Variants in WDFY2 observed in about 807,000 individuals in gnomAD.
The protein encoded by WDFY2 is WD repeat and FYVE domain containing 2, also known as WD repeat and FYVE domain-containing protein 2.
WDFY2 carries 36 observed loss-of-function variants against 56.4 expected under a neutral mutation model. That is an observed-to-expected ratio of 0.64 (90% CI 0.49 to 0.84). The LOEUF (loss-of-function observed/expected upper bound fraction) is 0.84. Ranked by LOEUF, WDFY2 falls within the 40% of genes least tolerant of loss-of-function variation. The pLI is 0.00. For synonymous variants in WDFY2, 176 were observed against 183.7 expected (o/e 0.96, Z 0.34); for missense variants, 444 against 512.2 (o/e 0.87, Z 1.29).
rs1953761888 is a variant in WDFY2, at chr13:51,766,724, C to A, written c.*6955C>A. 1.3e-5 allele frequency: 2 copies of A among 152,408 alleles called. No individual in the cohort carries two copies. Among genetic ancestry groups the A allele is most frequent in the East Asian group, 3.9e-4 (2 of 5,192 alleles). 9.4% of individuals were successfully genotyped at this position (152,408 alleles called of 1,614,324 possible). A position where few individuals can be genotyped will look rare whatever the true frequency, so the allele number is the denominator to read the frequency against. The stretch of plus-strand genomic sequence containing the variant: ...TCCTCTAACCAAAATATACGTGTAG[C>A]CATTACCAATGTACAACTCTCAATG... On this transcript the variant is annotated 3_prime_UTR_variant, in exon 12 of 12. Transcript: ENST00000298125.
chr13:51,649,249 A>G (rs1339370510), intron 1 of WDFY2, among the ~76,000 whole-genome samples: 2 of 152,100 alleles, frequency 1.3e-5, no homozygotes, highest in Non-Finnish European at 2.9e-5. Flanking sequence ...GTCTTCTCCC[A>G]GTGTTGGTTT....
chr13:51,645,762 TTG>T (rs1454521339), intron 1 of WDFY2, among the ~76,000 whole-genome samples: 1 of 152,200 alleles, frequency 6.6e-6, no homozygotes, highest in Non-Finnish European at 1.5e-5. Context: ...CCCTTAACTC[TTG>T]GTGTTTGTCT....
At chr13:51,653,318 C>G (rs2138434654) in intron 1 of WDFY2, among the ~76,000 whole-genome samples, 1 of 152,224 alleles carries the variant, frequency 6.6e-6, no homozygotes, top group African/African-American at 2.4e-5. Flanking sequence ...AATCTTTTTT[C>G]AAGGTTTTTA....
chr13:51,710,235 T>C (rs928634115), intron 4 of WDFY2, among the ~76,000 whole-genome samples: 4 of 152,094 alleles, frequency 2.6e-5, no homozygotes, highest in African/African-American at 9.7e-5. Flanking sequence ...CAAAATTCAG[T>C]AGCCCTTCAT....
chr13:51,654,574 A>C (rs1029269681), intron 1 of WDFY2, among the ~76,000 whole-genome samples: 1 of 152,046 alleles, frequency 6.6e-6, no homozygotes, highest in African/African-American at 2.4e-5. Flanking sequence ...CCAATACCCT[A>C]ACCTCTGCGG....
chr13:51,596,476 G>T (rs1954150735), intron 1 of WDFY2, among the ~76,000 whole-genome samples: 3 of 152,170 alleles, frequency 2.0e-5, no homozygotes, highest in Non-Finnish European at 4.4e-5. Context: ...AGAAAGTAAA[G>T]TTCACCGAAT....
At chr13:51,615,251 T>TA (rs1954588652) in intron 1 of WDFY2, among the ~76,000 whole-genome samples, 1 of 151,874 alleles carries the variant, frequency 6.6e-6, no homozygotes, top group Non-Finnish European at 1.5e-5. Flanking sequence ...AAGCTAACCC[T>TA]ATTAAAAAAT....
At chr13:51,702,267 G>A (rs1050495654) in intron 3 of WDFY2, among the ~76,000 whole-genome samples, 5 of 151,084 alleles carry the variant, frequency 3.3e-5, no homozygotes, top group African/African-American at 2.4e-5. Flanking sequence ...AGCCAGGATC[G>A]CGCCACTGCA....
chr13:51,647,277 C>T (rs1216061070), intron 1 of WDFY2, among the ~76,000 whole-genome samples: 1 of 152,180 alleles, frequency 6.6e-6, no homozygotes, highest in African/African-American at 2.4e-5. Flanking sequence ...ATAGAATGTA[C>T]TCACACAAAA....
intron 5 of WDFY2, among the ~76,000 whole-genome samples, chr13:51,720,942 TTCTCTC>T (rs71749521): frequency 0.025 from 3,718 of 147,876 alleles, 131 homozygotes; most frequent in African/African-American, 0.081. Context: ...TCATTCTGTC[TTCTCTC>T]TCTCTCTCTC....
chr13:51,758,425 T>G, intron 11 of WDFY2, 125 bp downstream of exon 11: 1 of 556,114 alleles, frequency 1.8e-6, no homozygotes, highest in Non-Finnish European at 3.1e-6. Flanking sequence ...GTGGCATGTG[T>G]CTGTAGTCCC....
intron 1 of WDFY2, among the ~76,000 whole-genome samples, chr13:51,608,239 T>C (rs1954420771): frequency 6.6e-6 from 1 of 152,258 alleles, no homozygotes; most frequent in African/African-American, 2.4e-5. Flanking sequence ...TAATTTTTAT[T>C]ACTTTAAAAG....
At chr13:51,722,790 C>G (rs1340586898) in intron 5 of WDFY2, among the ~76,000 whole-genome samples, 1 of 152,142 alleles carries the variant, frequency 6.6e-6, no homozygotes, top group Non-Finnish European at 1.5e-5. Flanking sequence ...TCCCAAAGAC[C>G]CCATGGCAGG....
chr13:51,711,929 T>C (rs1275504482), intron 4 of WDFY2, among the ~76,000 whole-genome samples: 3 of 152,166 alleles, frequency 2.0e-5, no homozygotes. Flanking sequence ...ACCCAGCCAT[T>C]ACATTACTGG....
intron 1 of WDFY2, among the ~76,000 whole-genome samples, chr13:51,637,931 C>T (rs969729243): frequency 3.1e-4 from 47 of 152,082 alleles, no homozygotes; most frequent in African/African-American, 1.1e-3. Flanking sequence ...TAAACATTAC[C>T]AGTTCTTTTA....
intron 1 of WDFY2, among the ~76,000 whole-genome samples, chr13:51,607,134 C>T (rs1483417310): frequency 1.3e-5 from 2 of 152,186 alleles, no homozygotes; most frequent in African/African-American, 4.8e-5. Flanking sequence ...CATAACATAG[C>T]ATATTTCATT....
At chr13:51,679,928 A>T (rs1189542446) in intron 3 of WDFY2, among the ~76,000 whole-genome samples, 1 of 152,036 alleles carries the variant, frequency 6.6e-6, no homozygotes, top group African/African-American at 2.4e-5. Context: ...ACTCCTTTAA[A>T]AAAAAACAAA....
chr13:51,739,722 T>C (rs1441433867), intron 7 of WDFY2, among the ~76,000 whole-genome samples: 2 of 152,202 alleles, frequency 1.3e-5, no homozygotes, highest in Admixed American at 6.5e-5. Context: ...TTGCATTTCC[T>C]TGGAGCAGTT....
chr13:51,634,706 G>GT (rs1026512782), intron 1 of WDFY2, among the ~76,000 whole-genome samples: 26 of 151,374 alleles, frequency 1.7e-4, no homozygotes, highest in Admixed American at 7.2e-4. Flanking sequence ...GGAAAAGGCT[G>GT]TTTTTTTTGT....
Sources: allele counts gnomAD v4.1 joint callset (sites outside exome capture counted in the v4.1 genomes callset), GRCh38; gene constraint gnomAD v4.1.1; transcripts MANE v1.5; gene names NCBI Gene and HGNC (gene_info 2026-07-23, HGNC 2026-07-21).